The following PTPRQ variants were observed in gnomAD, a reference collection of about 807,000 sequenced individuals.
PTPRQ encodes phosphatidylinositol phosphatase PTPRQ.
A neutral mutation model predicts 246.0 loss-of-function variants in PTPRQ; 199 were observed. The ratio of observed to expected loss-of-function variants is 0.81; its 90% CI spans 0.72 to 0.91. The LOEUF is 0.91. PTPRQ is among the 40% of genes least tolerant of loss of function. The pLI is 0.00. For synonymous variants in PTPRQ, 869 were observed against 853.2 expected (o/e 1.02, Z -0.32); for missense variants, 2,624 against 2,528.4 (o/e 1.04, Z -0.81).
chr12:80,519,381 G>GA (rs1895402022), intron 17 of PTPRQ, among the ~76,000 whole-genome samples: 1 of 152,098 alleles, frequency 6.6e-6, no homozygotes, highest in African/African-American at 2.4e-5. Context: ...AAAGCTGAAG[G>GA]AACTGAATCA....
intron 35 of PTPRQ, among the ~76,000 whole-genome samples, chr12:80,646,611 G>T (rs1304834959): frequency 6.6e-6 from 1 of 152,196 alleles, no homozygotes; most frequent in East Asian, 1.9e-4. Context: ...AGAGTGGCAG[G>T]TCCTTGTAGT....
At position 80,648,893 on chromosome 12, in the gene PTPRQ, G is replaced by A. The variant is rs188966080; in HGVS notation, c.5916-4G>A. 118 of 1,528,800 alleles carry A rather than the reference G, an allele frequency of 7.7e-5. No individual in the cohort carries two copies. Among genetic ancestry groups the A allele is most frequent in the Non-Finnish European group, 1.0e-4 (116 of 1,137,494 alleles). The allele number at this position is 1,528,800 out of a possible 1,614,324, so 94.7% of individuals were successfully genotyped here. A position where few individuals can be genotyped will look rare whatever the true frequency, so the allele number is the denominator to read the frequency against. On this transcript the variant is annotated splice_polypyrimidine_tract_variant and splice_region_variant and intron_variant, in intron 35 of 44. Transcript: ENST00000644991. ...CAATGCATTTAACACAATCTCTATT[G>A]CAGGTTACTTAGTTATAGAAAATCC...
intron 37 of PTPRQ, among the ~76,000 whole-genome samples, chr12:80,651,783 A>T (rs1385735273): frequency 1.3e-5 from 2 of 152,094 alleles, no homozygotes; most frequent in Non-Finnish European, 2.9e-5. Flanking sequence ...TGACACAAGG[A>T]AGCTGTTCTA....
intron 6 of PTPRQ, among the ~76,000 whole-genome samples, chr12:80,463,413 C>G (rs1341732229): frequency 2.0e-5 from 3 of 152,014 alleles, no homozygotes; most frequent in Admixed American, 6.6e-5. Flanking sequence ...AAAGTGATGG[C>G]GAGAATGGAA....
At chr12:80,492,973 T>C (rs2120643592) in intron 9 of PTPRQ, among the ~76,000 whole-genome samples, 1 of 152,054 alleles carries the variant, frequency 6.6e-6, no homozygotes, top group South Asian at 2.1e-4. Context: ...ATGAAACCTT[T>C]GCATGAGGAC....
rs1416087693 is a variant in PTPRQ, at chr12:80,468,833, C to A, written c.1034C>A (p.Pro345Gln). The change falls in exon 7 of 45, where the codon CCA becomes CAA. Residue 345 changes from proline (P) to glutamine (Q), a missense_variant. Physicochemically the swap from Pro to Gln is moderately conservative, Grantham distance 76. Coordinates refer to ENST00000644991, the MANE Select transcript of PTPRQ (RefSeq NM_001145026.2). ...AGTTATAGAGTTGAATTATATGGACCATCAGGTAAGCCTTAATTGGTTTTG... is the reference window on the plus strand; with the variant it reads ...AGTTATAGAGTTGAATTATATGGACAATCAGGTAAGCCTTAATTGGTTTTG... ...KFSYRVELYG[P>Q]SGRILDNSTK... is the part of the protein sequence containing the mutation. The A allele has an allele frequency of 2.6e-6, 4 of 1,547,192 alleles. No homozygotes were observed. Among genetic ancestry groups the A allele is most frequent in the Non-Finnish European group, 3.5e-6 (4 of 1,145,306 alleles).
At chr12:80,522,256 C>T (rs1445055218) in intron 17 of PTPRQ, among the ~76,000 whole-genome samples, 1 of 152,070 alleles carries the variant, frequency 6.6e-6, no homozygotes, top group African/African-American at 2.4e-5. Context: ...CTTAAGGAGA[C>T]TTTGGGCTGA....
chr12:80,518,660 G>T (rs188623042), intron 17 of PTPRQ, among the ~76,000 whole-genome samples: 2 of 152,090 alleles, frequency 1.3e-5, no homozygotes, highest in East Asian at 1.9e-4. Context: ...TGTATATGGT[G>T]AAAGATGGAG....
intron 26 of PTPRQ, among the ~76,000 whole-genome samples, chr12:80,602,732 G>A (rs144509585): frequency 6.6e-6 from 1 of 151,768 alleles, no homozygotes; most frequent in African/African-American, 2.4e-5. Flanking sequence ...TTTTGGAGGG[G>A]ACATGTTCAA....
intron 18 of PTPRQ, among the ~76,000 whole-genome samples, chr12:80,534,426 A>C (rs553427363): frequency 6.6e-6 from 1 of 152,060 alleles, no homozygotes; most frequent in African/African-American, 2.4e-5. Flanking sequence ...TGAAGATTAC[A>C]TAAGTTTATA....
chr12:80,670,901 C>A (rs1900947988), intron 42 of PTPRQ, among the ~76,000 whole-genome samples: 1 of 151,988 alleles, frequency 6.6e-6, no homozygotes, highest in Admixed American at 6.6e-5. Flanking sequence ...GATATTTGCA[C>A]AACATTGAGA....
At chr12:80,633,870 A>T (rs1899537866) in intron 34 of PTPRQ, among the ~76,000 whole-genome samples, 1 of 152,080 alleles carries the variant, frequency 6.6e-6, no homozygotes, top group Non-Finnish European at 1.5e-5. Context: ...CTACAAGATG[A>T]ACTCCTTGTG....
chr12:80,676,117 A>G (rs1038522841), intron 43 of PTPRQ, among the ~76,000 whole-genome samples: 4 of 152,142 alleles, frequency 2.6e-5, no homozygotes, highest in African/African-American at 7.2e-5. Context: ...GTGATGACAG[A>G]CAGAAAAATG....
chr12:80,669,476 A>G lies in PTPRQ; in HGVS notation c.6453+12A>G, dbSNP rs771306173. Reference sequence around the variant, plus strand: ...TGAAAATTGAAAGGGTAAAAAAAAAAGGGGGGGACGAGAGAACATGATATA... The same window carrying G: ...TGAAAATTGAAAGGGTAAAAAAAAAGGGGGGGGACGAGAGAACATGATATA... On this transcript the variant is annotated intron_variant, in intron 41 of 44. Transcript: ENST00000644991. 8.6e-5 allele frequency: 132 copies of G among 1,531,942 alleles called. No individual in the cohort carries two copies. The highest frequency in any genetic ancestry group is 3.4e-4 in the Middle Eastern group (2 of 5,906). 94.9% of individuals were successfully genotyped at this position (1,531,942 alleles called of 1,614,324 possible).
At chr12:80,666,351 G>A (rs1252420603) in intron 39 of PTPRQ, among the ~76,000 whole-genome samples, 1 of 151,950 alleles carries the variant, frequency 6.6e-6, no homozygotes, top group African/African-American at 2.4e-5. Context: ...CACTTATGCA[G>A]AGGCTGAAAA....
chr12:80,464,210 G>T (rs1416870202), intron 6 of PTPRQ, among the ~76,000 whole-genome samples: 4 of 145,824 alleles, frequency 2.7e-5, no homozygotes, highest in East Asian at 2.1e-4. Context: ...AAAGGCAGGG[G>T]TTGCAATCCT....
Position 80,640,025 on chromosome 12 carries a change from C to CGTGTGTGTGT in PTPRQ, c.5915+4983_5915+4992dup, listed in dbSNP as rs149812346. ...TCTTTCTCTGAGGTATGAAGATACA[C>CGTGTGTGTGT]GTGTGTGTGTGTGTGTGTGTGTGTG... On this transcript the variant is annotated intron_variant, in intron 35 of 44. Transcript: ENST00000644991. Among the ~76,000 whole-genome samples the CGTGTGTGTGT allele has an allele frequency of 2.5e-3, 351 of 143,004 alleles. 1 individual carries two copies. Among genetic ancestry groups the CGTGTGTGTGT allele is most frequent in the African/African-American group, 4.9e-3 (194 of 39,358 alleles). 93.8% of individuals were successfully genotyped at this position (143,004 alleles called of 152,430 possible). A position where few individuals can be genotyped will look rare whatever the true frequency, so the allele number is the denominator to read the frequency against.
chr12:80,604,988 C>T (rs1176743075), intron 26 of PTPRQ, 71 bp from the exon 27 acceptor site: 27 of 1,356,566 alleles, frequency 2.0e-5, no homozygotes, highest in Non-Finnish European at 2.4e-5. Flanking sequence ...TTTTCATGGT[C>T]TTTTCTATTA....
Position 80,541,813 on chromosome 12 carries a change from C to T in PTPRQ, c.3413C>T (p.Thr1138Ile). The T allele has an allele frequency of 6.5e-7, 1 of 1,549,388 alleles. No individual in the cohort carries two copies. Among genetic ancestry groups the T allele is most frequent in the Admixed American group, 2.0e-5 (1 of 50,830 alleles). Residue 1138 changes from threonine to isoleucine, a missense_variant, in exon 21 of 45, where the codon ACT becomes ATT. By Grantham distance (89) the Thr-to-Ile change is moderately conservative (BLOSUM62 -1). Coordinates refer to ENST00000644991, the MANE Select transcript of PTPRQ (RefSeq NM_001145026.2). ...GAAAAGGGATTCTCTGATACCTATA[C>T]TGCCCAGCTATACATCAAGACTGAA... ...STEKGFSDTY[T>I]AQLYIKTEED... is the part of the protein sequence containing the mutation.
Sources: allele counts gnomAD v4.1 joint callset (sites outside exome capture counted in the v4.1 genomes callset), GRCh38; gene constraint gnomAD v4.1.1; transcripts MANE v1.5; gene names NCBI Gene and HGNC (gene_info 2026-07-23, HGNC 2026-07-21).